Variants in QKI observed in about 807,000 individuals in gnomAD.
QKI encodes the protein KH domain-containing RNA-binding protein QKI.
In QKI, 10 loss-of-function variants were observed where a neutral mutation model predicts 39.0. The ratio of observed to expected loss-of-function variants is 0.26; its 90% CI spans 0.16 to 0.43. QKI has a LOEUF of 0.43. QKI is among the 20% of genes least tolerant of loss of function. QKI has a pLI of 1.00. For missense variants in QKI, 218 were observed against 428.0 expected, an observed-to-expected ratio of 0.51 and a Z score of 4.33; for synonymous variants, 204 against 155.4, an observed-to-expected ratio of 1.31 and a Z score of -2.33.
chr6:163,563,997 A>G lies in QKI; in HGVS notation c.934+278A>G, dbSNP rs16895118. ...AACAAATACTTTTACATTTGACATT[A>G]CTGAGGTCATTCTGAGTTTTAGGTC... On this transcript the variant is annotated intron_variant, in intron 6 of 7. Transcript: ENST00000361752. The G allele has an allele frequency of 4.6e-3, 5,795 of 1,256,584 alleles. 210 individuals are homozygous for G. In the African/African-American group the frequency reaches 0.078, roughly 17 times the overall value. 77.8% of individuals were successfully genotyped at this position (1,256,584 alleles called of 1,614,324 possible).
chr6:163,428,253 A>G (rs939283413), intron 1 of QKI, among the ~76,000 whole-genome samples: 1 of 152,190 alleles, frequency 6.6e-6, no homozygotes, highest in Non-Finnish European at 1.5e-5. Context: ...ATTAAATGTA[A>G]CTAGTTTAGT....
chr6:163,552,635 C>T (rs1249131781), intron 4 of QKI, among the ~76,000 whole-genome samples: 1 of 152,090 alleles, frequency 6.6e-6, no homozygotes, highest in East Asian at 1.9e-4. Flanking sequence ...CTGCATGGTT[C>T]AAGCCCATCC....
intron 4 of QKI, among the ~76,000 whole-genome samples, chr6:163,555,570 G>A (rs1454696296): frequency 6.7e-6 from 1 of 149,952 alleles, no homozygotes; most frequent in Non-Finnish European, 1.5e-5. Flanking sequence ...GTGTTATTGA[G>A]GAACACATAG....
At position 163,486,302 on chromosome 6, in the gene QKI, T is replaced by A. The variant is rs991441333; in HGVS notation, c.402+7406T>A. ...TTTGAAATAAATTGGTAATAGTTTT[T>A]AACTTAATATTTGTTTCCCAAATGT... On this transcript the variant is annotated intron_variant, in intron 3 of 7. Transcript: ENST00000361752. Among the ~76,000 whole-genome samples the A allele has an allele frequency of 2.0e-5, 3 of 152,250 alleles. 1 individual carries two copies. The highest frequency in any genetic ancestry group is 4.4e-5 in the Non-Finnish European group (3 of 68,046).
In QKI at chr6:163,468,698, T is replaced by C. The variant is rs1029779810; in HGVS notation, c.286-10082T>C. Among the ~76,000 whole-genome samples, 3 of 152,338 alleles carry C rather than the reference T, an allele frequency of 2.0e-5. No homozygotes were observed. In the East Asian group the frequency reaches 5.8e-4, roughly 29 times the overall value. On this transcript the variant is annotated intron_variant, in intron 2 of 7. Transcript: ENST00000361752. Reference sequence around the variant, plus strand: ...AGTAGGGTTAATGAATATCTTTTTTTCCCCTTTTTCTTTCCCTTCTTTTGG... The same window carrying C: ...AGTAGGGTTAATGAATATCTTTTTTCCCCCTTTTTCTTTCCCTTCTTTTGG...
chr6:163,499,117 G>A (rs1270510457), intron 3 of QKI, among the ~76,000 whole-genome samples: 1 of 152,188 alleles, frequency 6.6e-6, no homozygotes, highest in Non-Finnish European at 1.5e-5. Flanking sequence ...TGCTCAAAAT[G>A]TGTCATTTTG....
intron 2 of QKI, among the ~76,000 whole-genome samples, chr6:163,477,104 C>T (rs1264992681): frequency 6.6e-6 from 1 of 151,814 alleles, no homozygotes; most frequent in African/African-American, 2.4e-5. Flanking sequence ...CAACCTCCAC[C>T]TCCTGGGTTC....
rs921091576 is a variant in QKI, at chr6:163,538,207, T to C, written c.546+3082T>C. ...GGATACACCAATAATAAATAAAAGC[T>C]GACCAGCAAAGTGCCTGCCATCCTG... On this transcript the variant is annotated intron_variant, in intron 4 of 7. Coordinates refer to ENST00000361752, the MANE Select transcript of QKI (RefSeq NM_006775.3). Among the ~76,000 whole-genome samples, 12 of 152,210 alleles carry C rather than the reference T, an allele frequency of 7.9e-5. 1 individual carries two copies. The highest frequency in any genetic ancestry group is 2.9e-4 in the African/African-American group (12 of 41,460).
chr6:163,555,530 A>AAG lies in QKI; in HGVS notation c.547-6452_547-6451insAG, dbSNP rs1491424152. ...AGCTCAAAAAAAAAAAAAAAAAAAA[A>AAG]GCCTGCACTCTGAGAGAAAACGATG... On this transcript the variant is annotated intron_variant, in intron 4 of 7. Transcript: ENST00000361752. Among the ~76,000 whole-genome samples, 31 of 148,168 alleles carry AAG rather than the reference A, an allele frequency of 2.1e-4. No homozygotes were observed. The East Asian group carries it at 6.2e-3, about 30-fold the overall frequency.
In QKI at chr6:163,415,310, C is replaced by G. The variant is rs757985858; in HGVS notation, c.117C>G (p.Asn39Lys). Residue 39 changes from asparagine to lysine, a missense_variant, in exon 1 of 8, where the codon AAC (asparagine) becomes AAG (lysine). Physicochemically the swap from Asn to Lys is moderately conservative, Grantham distance 94. Transcript: ENST00000361752. Reference protein sequence around the residue: ...SSLPNFCGIFNHLERLLDEEI... With the variant: ...SSLPNFCGIFKHLERLLDEEI... ...TGCCCAACTTCTGCGGGATCTTCAA[C>G]CACCTCGAGCGGCTGCTGGACGAAG... The G allele has an allele frequency of 6.3e-7, 1 of 1,593,296 alleles. No homozygotes were observed. The highest frequency in any genetic ancestry group is 8.6e-7 in the Non-Finnish European group (1 of 1,166,900).
chr6:163,509,613 A>G (rs1364234376), intron 3 of QKI, among the ~76,000 whole-genome samples: 1 of 152,168 alleles, frequency 6.6e-6, no homozygotes, highest in Non-Finnish European at 1.5e-5. Context: ...GAAAAGTTAA[A>G]GATTTGTATT....
At chr6:163,548,799 G>A (rs532513429) in intron 4 of QKI, among the ~76,000 whole-genome samples, 6 of 152,298 alleles carry the variant, frequency 3.9e-5, no homozygotes, top group African/African-American at 1.4e-4. Flanking sequence ...CTCTGGCTAC[G>A]AGGTGAGAGA....
chr6:163,549,565 A>T (rs1029000028), intron 4 of QKI, among the ~76,000 whole-genome samples: 1 of 152,108 alleles, frequency 6.6e-6, no homozygotes, highest in African/African-American at 2.4e-5. Flanking sequence ...ACAAAAAATT[A>T]GTTGGGCATG....
intron 2 of QKI, among the ~76,000 whole-genome samples, chr6:163,464,765 C>T (rs57075041): frequency 0.02 from 3,088 of 152,210 alleles, 103 homozygotes; most frequent in African/African-American, 0.07. Context: ...CATCTAAAGA[C>T]GAATTACCAC....
intron 4 of QKI, among the ~76,000 whole-genome samples, chr6:163,556,283 CG>C (rs1244296997): frequency 6.6e-6 from 1 of 151,978 alleles, no homozygotes; most frequent in Non-Finnish European, 1.5e-5. Context: ...GAGGCCGAGG[CG>C]GGTAGATCAC....
In QKI at chr6:163,478,803, T is replaced by C; in HGVS notation, c.309T>C (p.Leu103=). The C allele has an allele frequency of 6.2e-7, 1 of 1,610,952 alleles. No homozygotes were observed. The highest frequency in any genetic ancestry group is 1.1e-5 in the South Asian group (1 of 90,384). Residue 103 remains leucine, a synonymous_variant, in exon 3 of 8, where the codon CTT becomes CTC. Transcript: ENST00000361752. ...YPDFNFVGRI[L]GPRGLTAKQL... ...AGTTTAATTTTGTTGGGAGAATCCT[T>C]GGACCTAGAGGACTTACAGCCAAAC...
In QKI at chr6:163,419,045, AAGAG is replaced by A. The variant is rs887294300; in HGVS notation, c.142+3713_142+3716del. Among the ~76,000 whole-genome samples, 16 of 152,250 alleles carry A rather than the reference AAGAG, an allele frequency of 1.1e-4. 1 individual carries two copies. The South Asian group carries it at 2.5e-3, about 24-fold the overall frequency. ...GAAAAATTAGTGTGTGGCTCAGAAA[AAGAG>A]AGCAGATGGATTAGAATGCCGTATT... On this transcript the variant is annotated intron_variant, in intron 1 of 7. Coordinates refer to ENST00000361752, the MANE Select transcript of QKI (RefSeq NM_006775.3).
chr6:163,472,815 C>T (rs561183617), intron 2 of QKI, among the ~76,000 whole-genome samples: 15 of 152,198 alleles, frequency 9.9e-5, no homozygotes, highest in Admixed American at 3.9e-4. Context: ...AAACTGCTCC[C>T]TATCTGAATT....
Position 163,571,235 on chromosome 6 carries a change from T to G in QKI, c.*525T>G, listed in dbSNP as rs761410698. The G allele has an allele frequency of 6.6e-6, 1 of 152,266 alleles. No individual in the cohort carries two copies. Among genetic ancestry groups the G allele is most frequent in the African/African-American group, 2.4e-5 (1 of 41,466 alleles). 9.4% of individuals were successfully genotyped at this position (152,266 alleles called of 1,614,324 possible). A position where few individuals can be genotyped will look rare whatever the true frequency, so the allele number is the denominator to read the frequency against. On this transcript the variant is annotated 3_prime_UTR_variant, in exon 8 of 8. Transcript: ENST00000361752. ...TTCAAAAAGTATTCAAAATTTGATA[T>G]GCTGTTTAGTCACTACAGTGCCCTC... is the stretch of plus-strand genomic sequence containing the variant.
Sources: gnomAD v4.1 joint callset for allele counts (sites outside exome capture counted in the v4.1 genomes callset) on GRCh38, gnomAD v4.1.1 for gene constraint, MANE v1.5 for transcripts, NCBI Gene and HGNC (gene_info 2026-07-23, HGNC 2026-07-21) for gene names.